The following OTULINL variants were observed in gnomAD, a reference collection of about 807,000 sequenced individuals.
OTULINL encodes the protein inactive ubiquitin thioesterase OTULINL.
OTULINL carries 42 observed loss-of-function variants against 43.9 expected under a neutral mutation model. That is an observed-to-expected ratio of 0.96 (90% CI 0.75 to 1.24). The LOEUF is 1.24. Ranked by LOEUF, OTULINL falls within the 50% of genes most tolerant of loss-of-function variation. The pLI is 0.00. For missense variants in OTULINL, 411 were observed against 426.4 expected, an observed-to-expected ratio of 0.96 and a Z score of 0.32; for synonymous variants, 172 against 153.6, an observed-to-expected ratio of 1.12 and a Z score of -0.88.
rs984462814 is a variant in OTULINL at position 14,615,295 on chromosome 5, G to C, written c.*4981G>C. 3.3e-5 allele frequency among the ~76,000 whole-genome samples: 5 copies of C among 152,206 alleles called. No individual in the cohort carries two copies. Among genetic ancestry groups the C allele is most frequent in the African/African-American group, 1.2e-4 (5 of 41,436 alleles). On this transcript the variant is annotated 3_prime_UTR_variant, in exon 8 of 8. Coordinates refer to ENST00000274217, the MANE Select transcript of OTULINL (RefSeq NM_019018.3). ...TGCCATCCCCAAAGACAGACTCTGG[G>C]AAACAACTTGGGAACTGCTTCAAGT...
chr5:14,609,487 A>G (rs919697795), intron 7 of OTULINL, among the ~76,000 whole-genome samples: 1 of 152,264 alleles, frequency 6.6e-6, no homozygotes, highest in African/African-American at 2.4e-5. Flanking sequence ...ATTATCTGAC[A>G]TTTTTAAACA....
intron 7 of OTULINL, among the ~76,000 whole-genome samples, chr5:14,609,809 T>C (rs1347623282): frequency 1.3e-5 from 2 of 152,198 alleles, no homozygotes; most frequent in Non-Finnish European, 2.9e-5. Context: ...TTTTTGTATT[T>C]TTAGTAGAGA....
chr5:14,596,319 G>A (rs1261916591), intron 1 of OTULINL, among the ~76,000 whole-genome samples: 1 of 152,184 alleles, frequency 6.6e-6, no homozygotes. Context: ...GGAAAGCTGG[G>A]CCAGGGACTG....
chr5:14,602,813 T>C lies in OTULINL; in HGVS notation c.498+481T>C, dbSNP rs373068949. ...GCAAATAAACCATCTCAGAAGATAG[T>C]CATTATCTGTGTTTGTTTTTAATGC... On this transcript the variant is annotated intron_variant, in intron 5 of 7. Coordinates refer to ENST00000274217, the MANE Select transcript of OTULINL (RefSeq NM_019018.3). 4.4e-4 allele frequency among the ~76,000 whole-genome samples: 67 copies of C among 152,326 alleles called. 1 individual carries two copies. Among genetic ancestry groups the C allele is most frequent in the African/African-American group, 1.6e-3 (66 of 41,582 alleles).
At chr5:14,592,104 A>G (rs1013105186) in intron 1 of OTULINL, among the ~76,000 whole-genome samples, 5 of 152,154 alleles carry the variant, frequency 3.3e-5, no homozygotes, top group Non-Finnish European at 5.9e-5. Flanking sequence ...GACCCTTTTC[A>G]GAAGACTTAC....
chr5:14,609,712 G>C (rs1456892162), intron 7 of OTULINL, among the ~76,000 whole-genome samples: 1 of 148,710 alleles, frequency 6.7e-6, no homozygotes, highest in Non-Finnish European at 1.5e-5. Context: ...CTCACTGCAA[G>C]CTCCGCCTTC....
Position 14,614,478 on chromosome 5 carries a change from T to C in OTULINL, c.*4164T>C. On this transcript the variant is annotated 3_prime_UTR_variant, in exon 8 of 8. Transcript: ENST00000274217. The stretch of plus-strand genomic sequence containing the variant: ...TCACTTCTATGTTATTTGTTCAGAA[T>C]AGTGGATCTTTGCTTAATTCACTTC... 2.5e-6 allele frequency: 1 copy of C among 397,586 alleles called. No homozygotes were observed. The highest frequency in any genetic ancestry group is 4.4e-6 in the Non-Finnish European group (1 of 225,876). 24.6% of individuals were successfully genotyped at this position (397,586 alleles called of 1,614,324 possible). A position where few individuals can be genotyped will look rare whatever the true frequency, so the allele number is the denominator to read the frequency against.
rs1011077571 is a variant in OTULINL, at chr5:14,607,568, G to A, written c.627+110G>A. ...TTGCTTCATGTTAGGAAAGTAAGAA[G>A]TGCAAGCAGAAATGCTTCTAGTAAC... On this transcript the variant is annotated intron_variant, in intron 6 of 7. Transcript: ENST00000274217. 11 of 1,359,300 alleles carry A rather than the reference G, an allele frequency of 8.1e-6. No individual in the cohort carries two copies. In the Admixed American group the frequency reaches 2.4e-4, roughly 30 times the overall value. The allele number at this position is 1,359,300 out of a possible 1,614,324, so 84.2% of individuals were successfully genotyped here.
At chr5:14,590,004 A>T (rs1759172151) in intron 1 of OTULINL, among the ~76,000 whole-genome samples, 1 of 152,228 alleles carries the variant, frequency 6.6e-6, no homozygotes, top group African/African-American at 2.4e-5. Flanking sequence ...CAGCCATAGA[A>T]AAACAACAGC....
In OTULINL at chr5:14,590,034, C is replaced by T. The variant is rs117337893; in HGVS notation, c.64+8076C>T. On this transcript the variant is annotated intron_variant, in intron 1 of 7. Transcript: ENST00000274217. Reference sequence around the variant, plus strand: ...AACAGCTGTGACTAGTAAAAGTAACCGCTTACTTTGGCCAAAGGGAAATGG... The same window carrying T: ...AACAGCTGTGACTAGTAAAAGTAACTGCTTACTTTGGCCAAAGGGAAATGG... Among the ~76,000 whole-genome samples, 59 of 152,238 alleles carry T rather than the reference C, an allele frequency of 3.9e-4. No homozygotes were observed. In the East Asian group the frequency reaches 8.1e-3, roughly 21 times the overall value.
chr5:14,592,211 G>A (rs764384877), intron 1 of OTULINL, among the ~76,000 whole-genome samples: 9 of 152,180 alleles, frequency 5.9e-5, no homozygotes, highest in Admixed American at 2.0e-4. Flanking sequence ...CACATTAAGT[G>A]TGGAATGAGT....
intron 1 of OTULINL, among the ~76,000 whole-genome samples, chr5:14,596,452 T>C (rs1186483191): frequency 6.6e-6 from 1 of 152,222 alleles, no homozygotes; most frequent in African/African-American, 2.4e-5. Flanking sequence ...GAACTGTCAT[T>C]ATGACACTGT....
In OTULINL at chr5:14,609,060, T is replaced by C. The variant is rs1163272974; in HGVS notation, c.897+43T>C. Reference sequence around the variant, plus strand: ...ACTGCTTGTATTTGATTAAGGATGCTGTGGCACTATTTGAACACAGAGGTG... The same window carrying C: ...ACTGCTTGTATTTGATTAAGGATGCCGTGGCACTATTTGAACACAGAGGTG... On this transcript the variant is annotated intron_variant, in intron 7 of 7. Transcript: ENST00000274217. 12 of 1,576,660 alleles carry C rather than the reference T, an allele frequency of 7.6e-6. No homozygotes were observed. The Admixed American group carries it at 1.8e-4, about 23-fold the overall frequency.
chr5:14,583,103 G>A (rs1045099768), intron 1 of OTULINL, among the ~76,000 whole-genome samples: 50 of 152,304 alleles, frequency 3.3e-4, no homozygotes, highest in Non-Finnish European at 4.6e-4. Flanking sequence ...GCAGGTGCGG[G>A]GATTGTTTAT....
In OTULINL at chr5:14,610,147, A is replaced by G. The variant is rs1421834101; in HGVS notation, c.904A>G (p.Met302Val). Residue 302 changes from methionine (M) to valine (V), a missense_variant, in exon 8 of 8, where the codon ATG becomes GTG. Physicochemically the swap from Met to Val is conservative, Grantham distance 21. Coordinates refer to ENST00000274217, the MANE Select transcript of OTULINL (RefSeq NM_019018.3). The part of the protein sequence containing the change: ...GDTCGLEQID[M>V]FILGYSLEVK... ...TCTTTCATCTCATCCACAGATTGAT[A>G]TGTTTATACTTGGATACTCCCTTGA... is the stretch of plus-strand genomic sequence containing the variant. The G allele has an allele frequency of 4.3e-6, 7 of 1,612,646 alleles. No individual in the cohort carries two copies. Among genetic ancestry groups the G allele is most frequent in the Middle Eastern group, 3.3e-4 (2 of 6,072 alleles).
At chr5:14,586,688 G>T (rs899974232) in intron 1 of OTULINL, among the ~76,000 whole-genome samples, 8 of 151,928 alleles carry the variant, frequency 5.3e-5, no homozygotes, top group African/African-American at 1.9e-4. Flanking sequence ...ATTAGGGTGA[G>T]TCTTCTAACA....
intron 1 of OTULINL, 28 bp downstream of exon 1, chr5:14,581,986 CG>C (rs1236556834): frequency 5.8e-6 from 5 of 857,636 alleles, no homozygotes; most frequent in South Asian, 7.5e-5. Flanking sequence ...CGGGGCGGGG[CG>C]GGGGGCGCGA....
chr5:14,600,932 C>CTTTTTTTTTTTTTTTTTTTTTT (rs5866109), intron 1 of OTULINL, 33 bp from the exon 2 acceptor site: 1 of 1,085,966 alleles, frequency 9.2e-7, no homozygotes, highest in Non-Finnish European at 1.2e-6. Context: ...TTGTGATGTG[C>CTTTTTTTTTTTTTTTTTTTTTT]TTTTTTTTTT....
intron 5 of OTULINL, among the ~76,000 whole-genome samples, chr5:14,606,168 G>A (rs572793744): frequency 1.3e-5 from 2 of 152,314 alleles, no homozygotes; most frequent in South Asian, 2.1e-4. Context: ...GGAAGTCAGA[G>A]GAGCAAGTCA....
Sources: gnomAD v4.1 joint callset for allele counts (sites outside exome capture counted in the v4.1 genomes callset) on GRCh38, gnomAD v4.1.1 for gene constraint, MANE v1.5 for transcripts, NCBI Gene and HGNC (gene_info 2026-07-23, HGNC 2026-07-21) for gene names.